SLC4A4: variants seen among roughly 807,000 people sequenced by gnomAD.
SLC4A4 encodes the protein solute carrier family 4 member 4.
In SLC4A4, 27 loss-of-function variants were observed where a neutral mutation model predicts 111.5. The ratio of observed to expected loss-of-function variants is 0.24; its 90% CI spans 0.18 to 0.33. The LOEUF is 0.33. Ranked by LOEUF, SLC4A4 falls within the 10% of genes least tolerant of loss-of-function variation. The probability of loss-of-function intolerance (pLI) is 1.00; values close to 1 mark genes in which losing one functional copy is unlikely to be tolerated. For missense variants in SLC4A4, 909 were observed against 1,315.5 expected (o/e 0.69, Z 4.78); for synonymous variants, 443 against 463.4 (o/e 0.96, Z 0.57).
At chr4:71,488,488 A>G (rs1307388646) in intron 15 of SLC4A4, among the ~76,000 whole-genome samples, 1 of 151,698 alleles carries the variant, frequency 6.6e-6, no homozygotes, top group African/African-American at 2.4e-5. Flanking sequence ...TTTATAGAAC[A>G]CCTACTAGAG....
At chr4:71,220,687 A>G (rs1260669086) in intron 1 of SLC4A4, among the ~76,000 whole-genome samples, 1 of 152,056 alleles carries the variant, frequency 6.6e-6, no homozygotes, top group African/African-American at 2.4e-5. Context: ...AGAGTTAAGG[A>G]GAGTGTTTTT....
chr4:71,351,036 G>T (rs1451602060), intron 5 of SLC4A4, among the ~76,000 whole-genome samples: 1 of 152,184 alleles, frequency 6.6e-6, no homozygotes, highest in Non-Finnish European at 1.5e-5. Flanking sequence ...GATAGAAAAT[G>T]GAAACAATGG....
intron 3 of SLC4A4, among the ~76,000 whole-genome samples, chr4:71,323,660 A>T (rs889036668): frequency 1.3e-5 from 2 of 152,004 alleles, no homozygotes; most frequent in Non-Finnish European, 2.9e-5. Flanking sequence ...ATTCTCTGGC[A>T]TGTGATATGT....
chr4:71,356,860 T>A, intron 5 of SLC4A4, 148 bp from the exon 6 acceptor site: 1 of 712,138 alleles, frequency 1.4e-6, no homozygotes, highest in East Asian at 2.7e-5. Flanking sequence ...CCCTGTGTCT[T>A]TATCTTTTAC....
chr4:71,120,194 A>G (rs748369762), intron 2 of SLC4A4, among the ~76,000 whole-genome samples: 7 of 152,156 alleles, frequency 4.6e-5, no homozygotes, highest in Non-Finnish European at 7.3e-5. Flanking sequence ...TATTTATACA[A>G]ATATAAATTG....
intron 1 of SLC4A4, among the ~76,000 whole-genome samples, chr4:71,210,844 G>A (rs1814082): frequency 0.1 from 15,812 of 152,200 alleles, 1,199 homozygotes; most frequent in Admixed American, 0.24. Flanking sequence ...CTCTAGCATG[G>A]ACTGATGCAG....
chr4:71,536,729 C>T (rs998649361), intron 18 of SLC4A4, among the ~76,000 whole-genome samples: 2 of 150,562 alleles, frequency 1.3e-5, no homozygotes, highest in Non-Finnish European at 3.0e-5. Context: ...CTCCTGACCT[C>T]GTGATCCGCC....
intron 13 of SLC4A4, among the ~76,000 whole-genome samples, chr4:71,471,594 T>C (rs888278469): frequency 2.6e-5 from 4 of 151,976 alleles, no homozygotes; most frequent in African/African-American, 9.7e-5. Flanking sequence ...CCTTGACTTA[T>C]TTCTTATTCT....
intron 3 of SLC4A4, among the ~76,000 whole-genome samples, chr4:71,265,388 T>A (rs1722164736): frequency 6.6e-6 from 1 of 152,168 alleles, no homozygotes; most frequent in Non-Finnish European, 1.5e-5. Flanking sequence ...AATTGAGTTT[T>A]AAAAATGTCA....
rs373779242 is a variant in SLC4A4, at chr4:71,475,433, G to A, written c.1903+2463G>A. Among the ~76,000 whole-genome samples, 148 of 151,946 alleles carry A rather than the reference G, an allele frequency of 9.7e-4. 1 individual carries two copies. The highest frequency in any genetic ancestry group is 1.7e-3 in the Non-Finnish European group (116 of 67,856). On this transcript the variant is annotated intron_variant, in intron 14 of 25. Coordinates refer to ENST00000264485, the MANE Select transcript of SLC4A4 (RefSeq NM_001098484.3). ...TCTTTGTTTTTTTTGAAAAAGTGAC[G>A]TTAAGGGTGGAATCTATTTTACACT...
In SLC4A4 at chr4:71,084,869, G is replaced by A. The variant is rs565073187; in HGVS notation, c.-64-7861G>A. ...GAATAGTGCCACAATAAACATACCT[G>A]TGCATGTGTCTCTCTAGCAGCATGA... is the stretch of plus-strand genomic sequence containing the variant. On this transcript the variant is annotated intron_variant, in intron 1 of 26. Coordinates refer to the SLC4A4 transcript ENST00000649996. Among the ~76,000 whole-genome samples, 5 of 152,118 alleles carry A rather than the reference G, an allele frequency of 3.3e-5. No homozygotes were observed. In the East Asian group the frequency reaches 9.6e-4, roughly 29 times the overall value.
intron 1 of SLC4A4, among the ~76,000 whole-genome samples, chr4:71,209,639 A>G (rs554952805): frequency 6.6e-6 from 1 of 152,266 alleles, no homozygotes; most frequent in South Asian, 2.1e-4. Context: ...TTGCATATCA[A>G]TTGGACTCAA....
intron 18 of SLC4A4, among the ~76,000 whole-genome samples, chr4:71,535,823 T>C (rs1734362053): frequency 6.6e-6 from 1 of 150,854 alleles, no homozygotes; most frequent in South Asian, 2.1e-4. Context: ...ACAAGTGAGG[T>C]ATGCTCCCAT....
At chr4:71,496,489 G>T (rs1426183377) in intron 15 of SLC4A4, among the ~76,000 whole-genome samples, 1 of 152,038 alleles carries the variant, frequency 6.6e-6, no homozygotes, top group African/African-American at 2.4e-5. Context: ...TGGAGACGAA[G>T]AGGGTATAGT....
At chr4:71,421,008 A>G (rs1210377094) in intron 7 of SLC4A4, among the ~76,000 whole-genome samples, 2 of 148,452 alleles carry the variant, frequency 1.3e-5, no homozygotes, top group African/African-American at 4.9e-5. Context: ...ATGTAAATGG[A>G]CTAAATGCTC....
At chr4:71,443,098 C>CTCTCTCAA (rs1724883576) in intron 8 of SLC4A4, among the ~76,000 whole-genome samples, 2 of 94,596 alleles carry the variant, frequency 2.1e-5, no homozygotes, top group Non-Finnish European at 4.0e-5. Flanking sequence ...CTCTCTCTCT[C>CTCTCTCAA]TCTCTCTCTC....
In SLC4A4 at chr4:71,084,893, G is replaced by T. The variant is rs189784965; in HGVS notation, c.-64-7837G>T. On this transcript the variant is annotated intron_variant, in intron 1 of 26. Coordinates refer to the SLC4A4 transcript ENST00000649996. Reference sequence around the variant, plus strand: ...TGTGCATGTGTCTCTCTAGCAGCATGATTTATAATCCTTTGGGTATATACC... The same window carrying T: ...TGTGCATGTGTCTCTCTAGCAGCATTATTTATAATCCTTTGGGTATATACC... Among the ~76,000 whole-genome samples the T allele has an allele frequency of 7.2e-5, 11 of 152,180 alleles. No individual in the cohort carries two copies. In the East Asian group the frequency reaches 2.1e-3, roughly 29 times the overall value.
At chr4:71,268,317 C>A (rs943804911) in intron 3 of SLC4A4, among the ~76,000 whole-genome samples, 2 of 152,036 alleles carry the variant, frequency 1.3e-5, no homozygotes, top group African/African-American at 4.8e-5. Flanking sequence ...GTAAATCATA[C>A]CCAGGCCTTT....
intron 2 of SLC4A4, 123 bp from the exon 3 acceptor site, chr4:71,255,097 G>A (rs1051272183): frequency 1.0e-6 from 1 of 988,462 alleles, no homozygotes; most frequent in Non-Finnish European, 1.6e-6. Flanking sequence ...TCTAGAGTTT[G>A]CCAAATATAG....
Sources: allele counts gnomAD v4.1 joint callset (sites outside exome capture counted in the v4.1 genomes callset), GRCh38; gene constraint gnomAD v4.1.1; transcripts MANE v1.5; gene names NCBI Gene and HGNC (gene_info 2026-07-23, HGNC 2026-07-21).